The following EIPR1 variants were observed in gnomAD, a reference collection of about 807,000 sequenced individuals.
The protein encoded by EIPR1 is EARP and GARP complex-interacting protein 1.
Under a neutral mutation model 48.1 loss-of-function variants are expected in EIPR1, and 25 were observed. The ratio of observed to expected loss-of-function variants is 0.52; its 90% CI spans 0.38 to 0.73. EIPR1 has a LOEUF of 0.73. EIPR1 is among the 30% of genes least tolerant of loss of function. EIPR1 has a pLI of 0.00. For synonymous variants in EIPR1, 204 were observed against 201.9 expected (o/e 1.01, Z -0.09); for missense variants, 415 against 506.2 (o/e 0.82, Z 1.73).
intron 3 of EIPR1, among the ~76,000 whole-genome samples, chr2:3,279,931 A>G (rs764484967): frequency 6.6e-6 from 1 of 152,258 alleles, no homozygotes; most frequent in Non-Finnish European, 1.5e-5. Flanking sequence ...TAGTCACCGC[A>G]GCGCAGCCTG....
At chr2:3,229,622 G>A (rs867144731) in intron 4 of EIPR1, among the ~76,000 whole-genome samples, 23 of 152,200 alleles carry the variant, frequency 1.5e-4, no homozygotes, top group Non-Finnish European at 2.8e-4. Flanking sequence ...TCAGTTCAAC[G>A]TGATAGATCT....
At chr2:3,254,392 G>A (rs1667092008) in intron 4 of EIPR1, among the ~76,000 whole-genome samples, 1 of 152,146 alleles carries the variant, frequency 6.6e-6, no homozygotes, top group Non-Finnish European at 1.5e-5. Context: ...TACCGCAACT[G>A]TAGTCATAAT....
intron 4 of EIPR1, among the ~76,000 whole-genome samples, chr2:3,245,982 G>A (rs891835017): frequency 6.6e-6 from 1 of 152,146 alleles, no homozygotes; most frequent in African/African-American, 2.4e-5. Context: ...TCCCAGCTTT[G>A]CAGGAGGTTG....
At chr2:3,341,947 A>G (rs1052019034) in intron 2 of EIPR1, among the ~76,000 whole-genome samples, 1 of 152,236 alleles carries the variant, frequency 6.6e-6, no homozygotes, top group African/African-American at 2.4e-5. Context: ...GAATTTCATC[A>G]TACTAATTAA....
intron 4 of EIPR1, among the ~76,000 whole-genome samples, chr2:3,244,723 C>A (rs1666742771): frequency 6.6e-6 from 1 of 152,216 alleles, no homozygotes; most frequent in African/African-American, 2.4e-5. Context: ...GACTTCCCAA[C>A]CTCCAGAACT....
At chr2:3,204,024 C>T (rs368759401) in intron 5 of EIPR1, among the ~76,000 whole-genome samples, 2 of 152,244 alleles carry the variant, frequency 1.3e-5, no homozygotes, top group Admixed American at 1.3e-4. Flanking sequence ...TGAGGTCACA[C>T]ACGTGGGCCG....
At chr2:3,213,464 G>A (rs1258103609) in intron 5 of EIPR1, among the ~76,000 whole-genome samples, 1 of 152,150 alleles carries the variant, frequency 6.6e-6, no homozygotes, top group Non-Finnish European at 1.5e-5. Context: ...CATAACTCAT[G>A]CAAATACATT....
intron 3 of EIPR1, among the ~76,000 whole-genome samples, chr2:3,295,790 C>G (rs1668555941): frequency 7.2e-6 from 1 of 138,844 alleles, no homozygotes; most frequent in African/African-American, 2.7e-5. Flanking sequence ...CCATCCAGCC[C>G]ATCCTCTCTA....
chr2:3,295,100 TAC>T (rs1668510793), intron 3 of EIPR1, among the ~76,000 whole-genome samples: 1 of 58,972 alleles, frequency 1.7e-5, no homozygotes, highest in African/African-American at 6.6e-5. Flanking sequence ...TTTCCACACA[TAC>T]ACCCTCCATC....
chr2:3,250,606 T>C (rs575672955), intron 4 of EIPR1, among the ~76,000 whole-genome samples: 1 of 152,208 alleles, frequency 6.6e-6, no homozygotes, highest in Non-Finnish European at 1.5e-5. Context: ...AGCAGAATGG[T>C]ATGGTTTGAA....
At chr2:3,327,764 C>T (rs931067076) in intron 3 of EIPR1, among the ~76,000 whole-genome samples, 1 of 152,188 alleles carries the variant, frequency 6.6e-6, no homozygotes, top group African/African-American at 2.4e-5. Context: ...CTACAGTTCC[C>T]AGTGCCCCTT....
intron 4 of EIPR1, among the ~76,000 whole-genome samples, chr2:3,239,100 T>C (rs1357119471): frequency 6.6e-6 from 1 of 152,174 alleles, no homozygotes; most frequent in Non-Finnish European, 1.5e-5. Context: ...AACCTGGCTC[T>C]GCCCGGCCGC....
At chr2:3,258,599 G>A (rs1473654822) in intron 3 of EIPR1, among the ~76,000 whole-genome samples, 5 of 152,188 alleles carry the variant, frequency 3.3e-5, no homozygotes, top group Admixed American at 1.3e-4. Flanking sequence ...ATCACTTACT[G>A]GTGATGATGC....
At chr2:3,194,955 G>C (rs1455318962) in intron 6 of EIPR1, among the ~76,000 whole-genome samples, 2 of 152,214 alleles carry the variant, frequency 1.3e-5, no homozygotes, top group African/African-American at 2.4e-5. Context: ...TGTTCACAGT[G>C]CGTGCGTTCT....
intron 3 of EIPR1, among the ~76,000 whole-genome samples, chr2:3,287,803 T>TCCAGAAAG (rs1464854859): frequency 1.8e-4 from 27 of 151,848 alleles, no homozygotes; most frequent in African/African-American, 5.3e-4. Context: ...TTCACCATGC[T>TCCAGAAAG]CTAGAAAGCT....
At chr2:3,252,256 G>A (rs1408497047) in intron 4 of EIPR1, among the ~76,000 whole-genome samples, 1 of 152,184 alleles carries the variant, frequency 6.6e-6, no homozygotes, top group African/African-American at 2.4e-5. Flanking sequence ...AGTGAGAACA[G>A]AGACGGGAGT....
intron 3 of EIPR1, among the ~76,000 whole-genome samples, chr2:3,276,650 T>C (rs1215332062): frequency 6.6e-6 from 1 of 152,238 alleles, no homozygotes; most frequent in Non-Finnish European, 1.5e-5. Flanking sequence ...CAACTGGTTT[T>C]GAAAAAGTAT....
At chr2:3,371,211 C>A (rs1351530394) in intron 1 of EIPR1, among the ~76,000 whole-genome samples, 2 of 152,158 alleles carry the variant, frequency 1.3e-5, no homozygotes, top group African/African-American at 4.8e-5. Context: ...CACCACCAGG[C>A]CTGCCCTAAA....
At chr2:3,200,031 C>G (rs187163599) in intron 5 of EIPR1, among the ~76,000 whole-genome samples, 77 of 152,088 alleles carry the variant, frequency 5.1e-4, no homozygotes, top group African/African-American at 1.8e-3. Flanking sequence ...GTGTCCACAT[C>G]TGGGTACAGA....
Sources: allele counts gnomAD v4.1 joint callset (sites outside exome capture counted in the v4.1 genomes callset), GRCh38; gene constraint gnomAD v4.1.1; transcripts MANE v1.5; gene names NCBI Gene and HGNC (gene_info 2026-07-23, HGNC 2026-07-21).